Variants in OSBP2 observed in about 807,000 individuals in gnomAD.
OSBP2 encodes oxysterol-binding protein 2.
Under a neutral mutation model 96.0 loss-of-function variants are expected in OSBP2, and 66 were observed. That is an observed-to-expected ratio of 0.69 (90% CI 0.56 to 0.84). The LOEUF (loss-of-function observed/expected upper bound fraction) is 0.84. OSBP2 is among the 40% of genes least tolerant of loss of function. The pLI is 0.00. For missense variants in OSBP2, 1,038 were observed against 1,222.7 expected (o/e 0.85, Z 2.25); for synonymous variants, 525 against 520.9 (o/e 1.01, Z -0.11).
In OSBP2 at chr22:30,749,519, G is replaced by A. The variant is rs191040760; in HGVS notation, c.853+8150G>A. Among the ~76,000 whole-genome samples, 255 of 152,254 alleles carry A rather than the reference G, an allele frequency of 1.7e-3. 1 individual carries two copies. The highest frequency in any genetic ancestry group is 5.5e-3 in the African/African-American group (228 of 41,550). On this transcript the variant is annotated intron_variant, in intron 2 of 13. Transcript: ENST00000332585. ...ACAAATGAACTTGTGACATTTGGCC[G>A]GAGAAAGGAAGACCAGGCAGAACCT...
At chr22:30,884,387 G>A (rs1007400580) in intron 3 of OSBP2, among the ~76,000 whole-genome samples, 3 of 152,192 alleles carry the variant, frequency 2.0e-5, no homozygotes, top group Non-Finnish European at 4.4e-5. Flanking sequence ...CAGAGAGGAT[G>A]TGGGCTCAGA....
intron 2 of OSBP2, chr22:30,822,806 C>T (rs2038308523): frequency 9.5e-7 from 1 of 1,047,532 alleles, no homozygotes; most frequent in African/African-American, 1.7e-5. Context: ...CCACGGGAGC[C>T]TCTGATGTCA....
intron 2 of OSBP2, among the ~76,000 whole-genome samples, chr22:30,819,745 T>G (rs1186487063): frequency 6.6e-6 from 1 of 152,236 alleles, no homozygotes; most frequent in East Asian, 1.9e-4. Context: ...CATTTTCATT[T>G]TGTTCCAGGG....
At chr22:30,785,096 T>G (rs752568471) in intron 2 of OSBP2, among the ~76,000 whole-genome samples, 1 of 152,206 alleles carries the variant, frequency 6.6e-6, no homozygotes, top group African/African-American at 2.4e-5. Flanking sequence ...CTTTAATTTT[T>G]AAAATGTACT....
intron 3 of OSBP2, among the ~76,000 whole-genome samples, chr22:30,886,115 C>G (rs1029955764): frequency 3.3e-5 from 5 of 152,222 alleles, no homozygotes; most frequent in African/African-American, 1.2e-4. Flanking sequence ...TGACATAGCT[C>G]TTGGGAGGTC....
At chr22:30,902,747 C>G in intron 12 of OSBP2, 1 of 458,514 alleles carries the variant, frequency 2.2e-6, no homozygotes, top group Non-Finnish European at 4.2e-6. Context: ...GGTGCCAGAC[C>G]CAGAGTGGAA....
chr22:30,870,562 A>T lies in OSBP2; in HGVS notation c.987A>T (p.Ala329=). 2 of 1,613,760 alleles carry T rather than the reference A, an allele frequency of 1.2e-6. No individual in the cohort carries two copies. The highest frequency in any genetic ancestry group is 1.7e-5 in the Admixed American group (1 of 59,996). ...CNDLIAKHGA[A]LQRSLTELDG... is the part of the protein sequence containing the mutation. The stretch of plus-strand genomic sequence containing the variant: ...ACCTCATCGCCAAGCACGGCGCTGC[A>T]CTCCAGCGCTCCCTGACAGAGCTGG... The change falls in exon 3 of 14, where the codon GCA becomes GCT. Residue 329 remains alanine (A), a synonymous_variant. Coordinates refer to ENST00000332585, the MANE Select transcript of OSBP2 (RefSeq NM_030758.4). The surrounding 1 kb of genome is among the most constrained non-coding windows in gnomAD (Gnocchi z 4.1).
intron 2 of OSBP2, among the ~76,000 whole-genome samples, chr22:30,743,770 T>C (rs2089968580): frequency 1.3e-5 from 2 of 152,214 alleles, no homozygotes; most frequent in African/African-American, 2.4e-5. Flanking sequence ...GGATTAGTCA[T>C]CCGGCAACAG....
intron 2 of OSBP2, among the ~76,000 whole-genome samples, chr22:30,853,953 G>T (rs568053026): frequency 6.6e-6 from 1 of 151,824 alleles, no homozygotes; most frequent in Non-Finnish European, 1.5e-5. Flanking sequence ...TAGAGACGGG[G>T]TTTCACCGTG....
intron 1 of OSBP2, among the ~76,000 whole-genome samples, chr22:30,698,016 G>A (rs1338208747): frequency 4.6e-5 from 7 of 152,152 alleles, no homozygotes; most frequent in African/African-American, 1.4e-4. Context: ...GATGTTTGAC[G>A]CCGCTCTCCT....
chr22:30,895,095 C>T (rs1024340256), intron 12 of OSBP2, among the ~76,000 whole-genome samples: 2 of 152,046 alleles, frequency 1.3e-5, no homozygotes, highest in African/African-American at 2.4e-5. Flanking sequence ...CTGCACAGTA[C>T]GAAGAGGAAT....
At chr22:30,698,351 G>A (rs981865994) in intron 1 of OSBP2, among the ~76,000 whole-genome samples, 1 of 152,078 alleles carries the variant, frequency 6.6e-6, no homozygotes, top group African/African-American at 2.4e-5. Context: ...TACCTGCTGG[G>A]CAATGTGGCT....
chr22:30,720,192 T>C (rs2089526045), intron 1 of OSBP2, among the ~76,000 whole-genome samples: 1 of 152,222 alleles, frequency 6.6e-6, no homozygotes, highest in African/African-American at 2.4e-5. Flanking sequence ...TGTTGCCGCA[T>C]AACAAATCAC....
intron 2 of OSBP2, among the ~76,000 whole-genome samples, chr22:30,863,969 T>C (rs1368382586): frequency 1.3e-5 from 2 of 151,946 alleles, no homozygotes; most frequent in African/African-American, 4.8e-5. Context: ...CATGTTTTTT[T>C]TTTGTTGTTT....
At chr22:30,812,509 T>C (rs2091022866) in intron 2 of OSBP2, among the ~76,000 whole-genome samples, 1 of 152,238 alleles carries the variant, frequency 6.6e-6, no homozygotes, top group South Asian at 2.1e-4. Flanking sequence ...TGTATTATAA[T>C]GTATTTAATC....
At chr22:30,717,334 G>A (rs2089479287) in intron 1 of OSBP2, among the ~76,000 whole-genome samples, 2 of 152,066 alleles carry the variant, frequency 1.3e-5, no homozygotes, top group Non-Finnish European at 2.9e-5. Flanking sequence ...AGGACATCCA[G>A]TTTTTTCAAC....
rs1266426648 is a variant in OSBP2 at position 30,761,303 on chromosome 22, ATT to A, written c.853+19935_853+19936del. Among the ~76,000 whole-genome samples, 202 of 152,354 alleles carry A rather than the reference ATT, an allele frequency of 1.3e-3. 1 individual carries two copies. Among genetic ancestry groups the A allele is most frequent in the African/African-American group, 4.7e-3 (197 of 41,590 alleles). ...ATAAAGGCCAGTCATATTTCTGTGT[ATT>A]AGCAATGAACAATTGGTAACAAAAA... On this transcript the variant is annotated intron_variant, in intron 2 of 13. Transcript: ENST00000332585.
intron 2 of OSBP2, among the ~76,000 whole-genome samples, chr22:30,765,356 TG>T (rs2090257511): frequency 6.6e-6 from 1 of 152,226 alleles, no homozygotes; most frequent in Admixed American, 6.5e-5. Context: ...ATTACAGGCT[TG>T]TGCCACCATG....
rs955256592 is a variant in OSBP2, at chr22:30,870,974, G to T, written c.1107+292G>T. ...TCATGCCTCGATAAGGAAGGTCGGG[G>T]CCCCAAGTTAAGTAGCTAGCCCAGC... On this transcript the variant is annotated intron_variant, in intron 3 of 13. Transcript: ENST00000332585. The surrounding 1 kb of genome is among the most constrained non-coding windows in gnomAD (Gnocchi z 4.1). Among the ~76,000 whole-genome samples, 4 of 152,132 alleles carry T rather than the reference G, an allele frequency of 2.6e-5. No homozygotes were observed. Among genetic ancestry groups the T allele is most frequent in the African/African-American group, 7.2e-5 (3 of 41,416 alleles).
Sources: gnomAD v4.1 joint callset for allele counts (sites outside exome capture counted in the v4.1 genomes callset) on GRCh38, gnomAD v4.1.1 for gene constraint, Gnocchi (gnomAD v3.1) non-coding constraint, MANE v1.5 for transcripts, NCBI Gene and HGNC (gene_info 2026-07-23, HGNC 2026-07-21) for gene names.